SNX14: variants seen among roughly 807,000 people sequenced by gnomAD.
The protein encoded by SNX14 is sorting nexin-14.
A neutral mutation model predicts 133.8 loss-of-function variants in SNX14; 93 were observed. The observed-to-expected ratio is 0.70, with a 90% CI of 0.59 to 0.83. SNX14 has a LOEUF of 0.83. Ranked by LOEUF, SNX14 falls within the 40% of genes least tolerant of loss-of-function variation. The pLI, the probability that SNX14 is intolerant of heterozygous loss-of-function variation, is 0.00. For synonymous variants in SNX14, 368 were observed against 365.6 expected (o/e 1.01, Z -0.07); for missense variants, 945 against 1,094.9 (o/e 0.86, Z 1.93).
chr6:85,506,703 GAAC>G (rs1357792381), intron 28 of SNX14, among the ~76,000 whole-genome samples: 2 of 152,156 alleles, frequency 1.3e-5, no homozygotes, highest in African/African-American at 4.8e-5. Context: ...CCACAGCACT[GAAC>G]AACAGTTGTT....
At chr6:85,578,661 G>A (rs1413238741) in intron 1 of SNX14, among the ~76,000 whole-genome samples, 1 of 152,190 alleles carries the variant, frequency 6.6e-6, no homozygotes, top group Non-Finnish European at 1.5e-5. Context: ...GATGGACCAA[G>A]CTATCTGTCT....
chr6:85,549,681 C>T, intron 8 of SNX14, 42 bp downstream of exon 8: 1 of 1,536,114 alleles, frequency 6.5e-7, no homozygotes. Flanking sequence ...ATACATATGG[C>T]ATGTTATGCA....
intron 24 of SNX14, 51 bp downstream of exon 24, chr6:85,514,455 C>T (rs1774085097): frequency 6.3e-7 from 1 of 1,591,720 alleles, no homozygotes; most frequent in South Asian, 1.1e-5. Flanking sequence ...ATTTGCATCA[C>T]AGAAGAAGTA....
At chr6:85,543,068 ATCTTG>A (rs1784314380) in intron 14 of SNX14, 109 bp downstream of exon 14, 29 of 1,084,904 alleles carry the variant, frequency 2.7e-5, no homozygotes, top group Non-Finnish European at 3.2e-5. Flanking sequence ...GTGCCCAGTA[ATCTTG>A]TCTTATTTTT....
chr6:85,526,362 C>G, intron 20 of SNX14, 125 bp from the exon 21 acceptor site: 1 of 648,680 alleles, frequency 1.5e-6, no homozygotes, highest in South Asian at 1.9e-5. Flanking sequence ...AATAACAAAG[C>G]AACTGCATTT....
Position 85,547,581 on chromosome 6 carries a change from TA to T in SNX14, c.868-32del, listed in dbSNP as rs767766822. 2.8e-4 allele frequency: 421 copies of T among 1,509,334 alleles called. No individual in the cohort carries two copies. In the African/African-American group the frequency reaches 5.4e-3, roughly 20 times the overall value. 93.5% of individuals were successfully genotyped at this position (1,509,334 alleles called of 1,614,324 possible). A position where few individuals can be genotyped will look rare whatever the true frequency, so the allele number is the denominator to read the frequency against. ...GGAAAATAATAAACATAAGTCAAAA[TA>T]ATTCCACTACTGTATTCTCCCCAGA... On this transcript the variant is annotated intron_variant, in intron 9 of 28. Coordinates refer to ENST00000314673, the MANE Select transcript of SNX14 (RefSeq NM_153816.6).
intron 25 of SNX14, 55 bp from the exon 26 acceptor site, chr6:85,513,950 G>C: frequency 6.4e-7 from 1 of 1,560,946 alleles, no homozygotes. Context: ...TATACACAAA[G>C]GATTTCCTCA....
At chr6:85,514,852 C>G (rs1451561540) in intron 23 of SNX14, among the ~76,000 whole-genome samples, 1 of 152,044 alleles carries the variant, frequency 6.6e-6, no homozygotes, top group African/African-American at 2.4e-5. Flanking sequence ...CTAAAATATT[C>G]ATTTTAGTTA....
intron 23 of SNX14, among the ~76,000 whole-genome samples, chr6:85,515,590 T>C (rs1191305674): frequency 6.6e-6 from 1 of 152,114 alleles, no homozygotes; most frequent in Non-Finnish European, 1.5e-5. Flanking sequence ...ATGAATTTTT[T>C]AAAAGCCTCC....
chr6:85,593,581 G>C lies in SNX14; in HGVS notation c.138C>G (p.Asn46Lys). 3 of 1,610,752 alleles carry C rather than the reference G, an allele frequency of 1.9e-6. No individual in the cohort carries two copies. Among genetic ancestry groups the C allele is most frequent in the Admixed American group, 1.7e-5 (1 of 59,632 alleles). ...LCLSAASLLL[N>K]RYIHILMIFW... is the part of the protein sequence containing the mutation. Reference sequence around the variant, plus strand: ...CAGGCTCCGCGCTGCGGCGTTACCTGTTAAGAAGCAGGGAGGCGGCGCTGA... The same window carrying C: ...CAGGCTCCGCGCTGCGGCGTTACCTCTTAAGAAGCAGGGAGGCGGCGCTGA... Residue 46 changes from asparagine (N) to lysine (K), a missense_variant and splice_region_variant, in exon 1 of 29, where the codon AAC (asparagine) becomes AAG (lysine). Asn to Lys is a moderately conservative substitution (Grantham distance 94). Around this residue, in one of 3 missense-constraint regions of SNX14, gnomAD observed 514 missense variants for 538.8 expected, o/e 0.95. Coordinates refer to ENST00000314673, the MANE Select transcript of SNX14 (RefSeq NM_153816.6).
intron 7 of SNX14, 23 bp from the exon 8 acceptor site, chr6:85,549,902 T>C (rs1343041475): frequency 1.9e-6 from 3 of 1,573,930 alleles, no homozygotes; most frequent in South Asian, 1.2e-5. Context: ...AAGATAAATA[T>C]TGAAACAAGT....
chr6:85,546,942 C>T (rs12202659), intron 12 of SNX14, among the ~76,000 whole-genome samples, 170 bp downstream of exon 12: 21 of 127,004 alleles, frequency 1.7e-4, no homozygotes, highest in East Asian at 6.6e-4. Flanking sequence ...GCCTGGGCAA[C>T]GAGAGTGAAA....
chr6:85,576,805 C>G (rs1338759819), intron 1 of SNX14, among the ~76,000 whole-genome samples: 2 of 152,158 alleles, frequency 1.3e-5, no homozygotes, highest in African/African-American at 4.8e-5. Flanking sequence ...CTAGTGTGAG[C>G]TGAGTTTCTG....
chr6:85,520,814 A>T (rs1472521023), intron 21 of SNX14, among the ~76,000 whole-genome samples: 2 of 152,192 alleles, frequency 1.3e-5, no homozygotes, highest in Non-Finnish European at 2.9e-5. Flanking sequence ...TAGTAGCCTC[A>T]TGATATGGGT....
Position 85,505,708 on chromosome 6 carries a change from A to G in SNX14, c.*259T>C. ...TCTGTTTGCCATAACATCATTATGA[A>G]TTTTCTCTTTTAAAAATGGCAATAA... On this transcript the variant is annotated 3_prime_UTR_variant, in exon 29 of 29. Coordinates refer to ENST00000314673, the MANE Select transcript of SNX14 (RefSeq NM_153816.6). 1 of 433,578 alleles carries G rather than the reference A, an allele frequency of 2.3e-6. No homozygotes were observed. Among genetic ancestry groups the G allele is most frequent in the Non-Finnish European group, 4.1e-6 (1 of 246,296 alleles). The allele number at this position is 433,578 out of a possible 1,614,324, so 26.9% of individuals were successfully genotyped here. A position where few individuals can be genotyped will look rare whatever the true frequency, so the allele number is the denominator to read the frequency against.
At position 85,549,811 on chromosome 6, in the gene SNX14, T is replaced by C. The variant is rs1189711307; in HGVS notation, c.703A>G (p.Arg235Gly). 6.2e-7 allele frequency: 1 copy of C among 1,613,924 alleles called. No homozygotes were observed. The highest frequency in any genetic ancestry group is 8.5e-7 in the Non-Finnish European group (1 of 1,179,940). The change falls in exon 8 of 29, where the codon AGA becomes GGA. Residue 235 changes from arginine (R) to glycine (G), a missense_variant. By Grantham distance (125) the Arg-to-Gly change is moderately radical. Coordinates refer to ENST00000314673, the MANE Select transcript of SNX14 (RefSeq NM_153816.6). ...TAGTGCAATTCATCTCTTCGACTTC[T>C]CAAAGCAACATGAAGCTCTGGACCA... Reference protein sequence around the residue: ...EYGPELHVALRSRRDELHYLR... With the variant: ...EYGPELHVALGSRRDELHYLR...
chr6:85,570,739 G>A (rs1795275017), intron 4 of SNX14, among the ~76,000 whole-genome samples: 2 of 152,010 alleles, frequency 1.3e-5, no homozygotes, highest in South Asian at 4.1e-4. Context: ...TGTAGTCCCA[G>A]CTACTTGGGA....
intron 26 of SNX14, chr6:85,508,441 T>TGTAC: frequency 1.1e-6 from 1 of 904,826 alleles, no homozygotes; most frequent in Non-Finnish European, 1.3e-6. Context: ...CATACATGTA[T>TGTAC]AGAAATGCAT....
intron 1 of SNX14, among the ~76,000 whole-genome samples, chr6:85,585,248 C>T (rs1800387889): frequency 6.6e-6 from 1 of 151,734 alleles, no homozygotes; most frequent in Non-Finnish European, 1.5e-5. Context: ...GAGTGGGGGA[C>T]TGGGGGAGGG....
Sources: allele counts gnomAD v4.1 joint callset (sites outside exome capture counted in the v4.1 genomes callset), GRCh38; gene constraint gnomAD v4.1.1; regional missense constraint gnomAD v4.1.1; transcripts MANE v1.5; gene names NCBI Gene and HGNC (gene_info 2026-07-23, HGNC 2026-07-21).